Variants in RGS3 observed in about 807,000 individuals in gnomAD.
The protein encoded by RGS3 is regulator of G-protein signalling 3.
In RGS3, 80 loss-of-function variants were observed where a neutral mutation model predicts 132.6. The observed-to-expected ratio is 0.60, with a 90% CI of 0.50 to 0.73. The LOEUF is 0.73. Ranked by LOEUF, RGS3 falls within the 30% of genes least tolerant of loss-of-function variation. The pLI is 0.00. For synonymous variants in RGS3, 598 were observed against 620.6 expected (o/e 0.96, Z 0.54); for missense variants, 1,382 against 1,530.8 (o/e 0.90, Z 1.62).
At chr9:113,521,893 C>A (rs1390652709) in intron 16 of RGS3, among the ~76,000 whole-genome samples, 6 of 152,196 alleles carry the variant, frequency 3.9e-5, no homozygotes, top group African/African-American at 1.4e-4. Context: ...CTGGCTGGTT[C>A]TTCTTCAGAA....
chr9:113,513,335 G>A (rs1047747380), intron 14 of RGS3, among the ~76,000 whole-genome samples: 2 of 152,150 alleles, frequency 1.3e-5, no homozygotes, highest in Non-Finnish European at 2.9e-5. Context: ...GTCCTTCCTG[G>A]GGGTGGTCTT....
chr9:113,558,867 C>T (rs2118798057), intron 19 of RGS3, among the ~76,000 whole-genome samples: 1 of 152,372 alleles, frequency 6.6e-6, no homozygotes, highest in Non-Finnish European at 1.5e-5. Flanking sequence ...ACCTATCTCA[C>T]TGCAGACTGG....
chr9:113,542,863 C>T (rs117960641), intron 19 of RGS3, among the ~76,000 whole-genome samples: 4 of 152,210 alleles, frequency 2.6e-5, no homozygotes, highest in South Asian at 2.1e-4. Flanking sequence ...AAACTGACTT[C>T]GCATGCTTTC....
intron 17 of RGS3, among the ~76,000 whole-genome samples, chr9:113,527,570 A>T (rs1401930435): frequency 3.9e-5 from 6 of 152,180 alleles, no homozygotes; most frequent in African/African-American, 7.2e-5. Flanking sequence ...AAGTAGAAAG[A>T]TTTATTCTCC....
At chr9:113,528,871 C>G (rs1362755365) in intron 17 of RGS3, among the ~76,000 whole-genome samples, 1 of 152,218 alleles carries the variant, frequency 6.6e-6, no homozygotes, top group Non-Finnish European at 1.5e-5. Flanking sequence ...GCCTCCAGGT[C>G]TCTCACTGCA....
intron 19 of RGS3, among the ~76,000 whole-genome samples, chr9:113,577,012 C>T (rs971244220): frequency 2.0e-5 from 3 of 152,136 alleles, no homozygotes; most frequent in African/African-American, 7.2e-5. Context: ...GAGACAGAGT[C>T]TCACTCTATT....
At chr9:113,530,548 C>T (rs1209213564) in intron 18 of RGS3, among the ~76,000 whole-genome samples, 2 of 152,240 alleles carry the variant, frequency 1.3e-5, no homozygotes, top group East Asian at 1.9e-4. Flanking sequence ...GCTCTTCCTC[C>T]AGCCTCACCA....
At chr9:113,574,312 G>C (rs1391755384) in intron 19 of RGS3, among the ~76,000 whole-genome samples, 1 of 152,158 alleles carries the variant, frequency 6.6e-6, no homozygotes. Flanking sequence ...CTCTGGCTCA[G>C]CCTGGAATAT....
chr9:113,504,735 T>C (rs1257315731), intron 10 of RGS3, among the ~76,000 whole-genome samples: 1 of 152,228 alleles, frequency 6.6e-6, no homozygotes, highest in Non-Finnish European at 1.5e-5. Flanking sequence ...GGCCCTCTCA[T>C]GGACTTCTGA....
intron 3 of RGS3, among the ~76,000 whole-genome samples, chr9:113,476,339 G>A (rs993913458): frequency 6.6e-6 from 1 of 152,152 alleles, no homozygotes; most frequent in Non-Finnish European, 1.5e-5. Flanking sequence ...TTCCATCTCA[G>A]GCATGACCGT....
chr9:113,526,406 G>A (rs1403811781), intron 17 of RGS3, among the ~76,000 whole-genome samples: 1 of 152,204 alleles, frequency 6.6e-6, no homozygotes, highest in Admixed American at 6.5e-5. Context: ...ATAGCCTGGT[G>A]GAATGCAGAC....
rs773659807 is a variant in RGS3 at position 113,536,791 on chromosome 9, G to T, written c.1915-5G>T. 4 of 1,613,096 alleles carry T rather than the reference G, an allele frequency of 2.5e-6. No homozygotes were observed. The highest frequency in any genetic ancestry group is 3.4e-6 in the Non-Finnish European group (4 of 1,179,156). ...CGTCCGTTTCTCTATTTTCCCTGAC[G>T]TCAGAAGGCAGAGTGCTTATTCACT... is the stretch of plus-strand genomic sequence containing the variant. On this transcript the variant is annotated splice_polypyrimidine_tract_variant and splice_region_variant and intron_variant, in intron 18 of 24. Coordinates refer to ENST00000350696, the Ensembl canonical transcript of RGS3.
At chr9:113,520,306 G>A (rs116988335) in intron 16 of RGS3, among the ~76,000 whole-genome samples, 1 of 152,228 alleles carries the variant, frequency 6.6e-6, no homozygotes, top group African/African-American at 2.4e-5. Context: ...TCCCCGGCAC[G>A]CTTGCCCCTC....
At chr9:113,485,563 A>T (rs1830305222) in intron 6 of RGS3, 62 bp from the exon 5 acceptor site, 1 of 1,316,942 alleles carries the variant, frequency 7.6e-7, no homozygotes, top group African/African-American at 1.4e-5. Flanking sequence ...TGACTCTATG[A>T]GTCAGCTATG....
At chr9:113,530,439 C>T (rs1378681808) in intron 18 of RGS3, among the ~76,000 whole-genome samples, 1 of 152,320 alleles carries the variant, frequency 6.6e-6, no homozygotes, top group East Asian at 1.9e-4. Flanking sequence ...CACATTCCCC[C>T]GGAGCACAGG....
At chr9:113,505,989 C>T (rs1250122374) in intron 11 of RGS3, among the ~76,000 whole-genome samples, 1 of 152,100 alleles carries the variant, frequency 6.6e-6, no homozygotes, top group East Asian at 1.9e-4. Flanking sequence ...GTTTCCAGTG[C>T]CTACACAAGG....
At chr9:113,580,021 G>C (rs114219296) in intron 19 of RGS3, among the ~76,000 whole-genome samples, 1 of 152,184 alleles carries the variant, frequency 6.6e-6, no homozygotes, top group East Asian at 1.9e-4. Context: ...TGGGTTTCTC[G>C]GGTTTCCTAT....
intron 19 of RGS3, among the ~76,000 whole-genome samples, chr9:113,544,416 G>T (rs1247592094): frequency 6.6e-6 from 1 of 151,736 alleles, no homozygotes; most frequent in African/African-American, 2.4e-5. Context: ...GCTATTTGGG[G>T]GTTGGGACAT....
upstream of RGS3, among the ~76,000 whole-genome samples, chr9:113,456,618 G>GT (rs1483011210): frequency 6.7e-6 from 1 of 149,786 alleles, no homozygotes; most frequent in Non-Finnish European, 1.5e-5. Flanking sequence ...CGACCCTCAT[G>GT]TCATGCAAAC....
Sources: allele counts gnomAD v4.1 joint callset (sites outside exome capture counted in the v4.1 genomes callset), GRCh38; gene constraint gnomAD v4.1.1; transcripts MANE v1.5; gene names NCBI Gene and HGNC (gene_info 2026-07-23, HGNC 2026-07-21).